Variants in CDK14 observed in about 807,000 individuals in gnomAD.
CDK14 encodes the protein cyclin-dependent kinase 14.
In CDK14, 34 loss-of-function variants were observed where a neutral mutation model predicts 60.7. That is an observed-to-expected ratio of 0.56 (90% CI 0.43 to 0.75). The LOEUF is 0.75. Among genes scored for constraint, CDK14 ranks in the 30% least tolerant of loss-of-function variants. The pLI, the probability that CDK14 is intolerant of heterozygous loss-of-function variation, is 0.00. For synonymous variants in CDK14, 197 were observed against 203.7 expected, an observed-to-expected ratio of 0.97 and a Z score of 0.28; for missense variants, 482 against 564.1, an observed-to-expected ratio of 0.85 and a Z score of 1.47.
chr7:90,788,565 T>G (rs941017286), intron 4 of CDK14, among the ~76,000 whole-genome samples: 1 of 152,298 alleles, frequency 6.6e-6, no homozygotes, highest in Non-Finnish European at 1.5e-5. Flanking sequence ...GATGGTACGT[T>G]GTGGAGCCTT....
chr7:91,189,385 A>T (rs1802286641), intron 14 of CDK14, among the ~76,000 whole-genome samples: 1 of 152,232 alleles, frequency 6.6e-6, no homozygotes, highest in Non-Finnish European at 1.5e-5. Context: ...TGCAGATAAT[A>T]TATAAGAATA....
At chr7:90,668,851 G>T (rs1322479046) in intron 2 of CDK14, among the ~76,000 whole-genome samples, 1 of 151,202 alleles carries the variant, frequency 6.6e-6, no homozygotes, top group Non-Finnish European at 1.5e-5. Context: ...TAGGACCACA[G>T]ATGCGTGCCA....
chr7:91,045,385 C>T (rs140685326), intron 10 of CDK14, among the ~76,000 whole-genome samples: 17 of 152,272 alleles, frequency 1.1e-4, no homozygotes, highest in Admixed American at 2.0e-4. Context: ...CTGTAAATCA[C>T]GTAATTACAG....
chr7:90,607,354 C>T lies in CDK14; in HGVS notation c.123+3105C>T, dbSNP rs189562602. Among the ~76,000 whole-genome samples, 143 of 152,248 alleles carry T rather than the reference C, an allele frequency of 9.4e-4. 1 individual carries two copies. The highest frequency in any genetic ancestry group is 3.2e-3 in the African/African-American group (132 of 41,550). On this transcript the variant is annotated intron_variant, in intron 2 of 14. Transcript: ENST00000380050. ...TATGCAATAAGGTGTGGCAACTCTCCTTAGTATTTATGAGCTGGAAGGCTC... is the reference window on the plus strand; with the variant it reads ...TATGCAATAAGGTGTGGCAACTCTCTTTAGTATTTATGAGCTGGAAGGCTC...
chr7:90,860,978 A>G (rs1437589973), intron 5 of CDK14, among the ~76,000 whole-genome samples: 2 of 152,128 alleles, frequency 1.3e-5, no homozygotes, highest in African/African-American at 4.8e-5. Flanking sequence ...AGATACCCAG[A>G]GGCCCTGTGT....
chr7:90,618,498 A>C (rs1173610912), intron 2 of CDK14, among the ~76,000 whole-genome samples: 1 of 152,084 alleles, frequency 6.6e-6, no homozygotes. Flanking sequence ...CTTGCCCTCA[A>C]GCCTTTCATG....
intron 9 of CDK14, among the ~76,000 whole-genome samples, chr7:90,975,659 G>T (rs975087230): frequency 1.3e-5 from 2 of 151,824 alleles, no homozygotes; most frequent in Non-Finnish European, 2.9e-5. Flanking sequence ...CTGTAATTTT[G>T]TGTCTTTTAG....
At chr7:91,067,532 T>C (rs1489518226) in intron 11 of CDK14, among the ~76,000 whole-genome samples, 2 of 152,260 alleles carry the variant, frequency 1.3e-5, no homozygotes, top group African/African-American at 4.8e-5. Flanking sequence ...TTTTTCATTC[T>C]GTATCTGTAA....
At chr7:90,667,536 T>G (rs906166611) in intron 2 of CDK14, among the ~76,000 whole-genome samples, 2 of 152,124 alleles carry the variant, frequency 1.3e-5, no homozygotes, top group Non-Finnish European at 2.9e-5. Context: ...TTTAGTTTAA[T>G]GTTTTCAAAG....
At chr7:90,908,303 C>G (rs945176711) in intron 7 of CDK14, among the ~76,000 whole-genome samples, 2 of 152,084 alleles carry the variant, frequency 1.3e-5, no homozygotes, top group Non-Finnish European at 2.9e-5. Flanking sequence ...TAGAACATGT[C>G]TTTTGCATCC....
chr7:90,744,055 G>T (rs1012795573), intron 3 of CDK14, among the ~76,000 whole-genome samples: 10 of 151,396 alleles, frequency 6.6e-5, no homozygotes, highest in Admixed American at 1.3e-4. Context: ...GGTGTTTCTC[G>T]CAGAGGGGGA....
At chr7:90,811,373 T>C (rs1331332889) in intron 5 of CDK14, among the ~76,000 whole-genome samples, 1 of 151,930 alleles carries the variant, frequency 6.6e-6, no homozygotes, top group Non-Finnish European at 1.5e-5. Flanking sequence ...GGGAAAGGAT[T>C]CCCTATTTAA....
At chr7:91,196,848 G>T (rs1411207182) in intron 14 of CDK14, among the ~76,000 whole-genome samples, 1 of 152,174 alleles carries the variant, frequency 6.6e-6, no homozygotes, top group Non-Finnish European at 1.5e-5. Flanking sequence ...AAGGCTGCTG[G>T]CTCAGTTCCC....
At chr7:91,118,239 T>C in intron 14 of CDK14, 31 bp downstream of exon 14, 16 of 989,264 alleles carry the variant, frequency 1.6e-5, no homozygotes, top group Non-Finnish European at 2.5e-5. Flanking sequence ...TGGAAAGTAA[T>C]ATTTAATGGA....
intron 8 of CDK14, among the ~76,000 whole-genome samples, chr7:90,918,183 C>T (rs547421387): frequency 2.0e-5 from 3 of 152,210 alleles, no homozygotes; most frequent in African/African-American, 7.2e-5. Flanking sequence ...ATGTCTGGAC[C>T]TTTTCAGAGG....
intron 9 of CDK14, among the ~76,000 whole-genome samples, chr7:90,970,910 A>G (rs919780199): frequency 1.3e-5 from 2 of 151,616 alleles, no homozygotes; most frequent in South Asian, 4.2e-4. Context: ...AGTTTATGCA[A>G]TTCATTCATT....
At chr7:90,970,450 G>A (rs745516550) in intron 9 of CDK14, among the ~76,000 whole-genome samples, 26 of 152,266 alleles carry the variant, frequency 1.7e-4, no homozygotes, top group Non-Finnish European at 3.7e-4. Flanking sequence ...AGAAATCAAA[G>A]TTGCCATCTC....
intron 5 of CDK14, among the ~76,000 whole-genome samples, chr7:90,841,025 A>C (rs1790271792): frequency 6.6e-6 from 1 of 152,168 alleles, no homozygotes; most frequent in Non-Finnish European, 1.5e-5. Context: ...AATGGGAGGG[A>C]AGGTATCAAA....
At chr7:90,676,092 A>G (rs993641252) in intron 2 of CDK14, among the ~76,000 whole-genome samples, 1 of 152,266 alleles carries the variant, frequency 6.6e-6, no homozygotes, top group Admixed American at 6.5e-5. Context: ...TCTCTTAAGC[A>G]GTGAAAATGC....
Sources: gnomAD v4.1 joint callset for allele counts (sites outside exome capture counted in the v4.1 genomes callset) on GRCh38, gnomAD v4.1.1 for gene constraint, MANE v1.5 for transcripts, NCBI Gene and HGNC (gene_info 2026-07-23, HGNC 2026-07-21) for gene names.